Variants in L3MBTL3 observed in about 807,000 individuals in gnomAD.
L3MBTL3 encodes lethal(3)malignant brain tumor-like protein 3.
A neutral mutation model predicts 102.3 loss-of-function variants in L3MBTL3; 27 were observed. That is an observed-to-expected ratio of 0.26 (90% CI 0.19 to 0.36). L3MBTL3 has a LOEUF of 0.36. Among genes scored for constraint, L3MBTL3 ranks in the 10% least tolerant of loss-of-function variants. The pLI is 1.00. For synonymous variants in L3MBTL3, 340 were observed against 320.9 expected (o/e 1.06, Z -0.64); for missense variants, 798 against 955.3 (o/e 0.84, Z 2.17).
chr6:130,099,242 A>T (rs1379653230), intron 18 of L3MBTL3, among the ~76,000 whole-genome samples: 1 of 151,926 alleles, frequency 6.6e-6, no homozygotes, highest in Non-Finnish European at 1.5e-5. Context: ...ATCCTATGGG[A>T]CTCTGTTCTT....
intron 19 of L3MBTL3, among the ~76,000 whole-genome samples, chr6:130,108,949 G>T (rs559367835): frequency 1.3e-5 from 2 of 151,960 alleles, no homozygotes; most frequent in East Asian, 3.9e-4. Flanking sequence ...GAGTGAGAAC[G>T]TGTGGTGTTT....
chr6:130,023,948 C>T lies in L3MBTL3; in HGVS notation c.-16+1643C>T, dbSNP rs185860064. 2.3e-4 allele frequency among the ~76,000 whole-genome samples: 35 copies of T among 151,982 alleles called. No homozygotes were observed. In the East Asian group the frequency reaches 5.0e-3, roughly 22 times the overall value. ...GAAGAGACCATGCTCTAACATGGTG[C>T]GGAATACAAAACCGGAAATTTATTT... is the stretch of plus-strand genomic sequence containing the variant. On this transcript the variant is annotated intron_variant, in intron 2 of 22. Coordinates refer to ENST00000361794, the MANE Select transcript of L3MBTL3 (RefSeq NM_032438.4).
intron 22 of L3MBTL3, among the ~76,000 whole-genome samples, chr6:130,134,182 C>T (rs1410367214): frequency 1.3e-5 from 2 of 152,140 alleles, no homozygotes; most frequent in South Asian, 2.1e-4. Context: ...AACTTAATAG[C>T]ATGCATTTAT....
chr6:130,053,054 C>A, intron 7 of L3MBTL3, 63 bp downstream of exon 7: 2 of 1,276,570 alleles, frequency 1.6e-6, no homozygotes, highest in Non-Finnish European at 2.3e-6. Flanking sequence ...GCATCACAGT[C>A]ACAAGCACTG....
chr6:130,071,154 T>C (rs1782615376), intron 13 of L3MBTL3, 27 bp downstream of exon 13: 1 of 1,589,000 alleles, frequency 6.3e-7, no homozygotes, highest in South Asian at 1.1e-5. Context: ...TGTGTGCTTT[T>C]AAAAATTTAA....
Position 130,055,036 on chromosome 6 carries a change from C to G in L3MBTL3, c.583-135C>G, listed in dbSNP as rs191629951. Reference sequence around the variant, plus strand: ...CAACAGTTTTCAGATGAACTATATTCTTACTTTCCTTAAAAGTTACAAAGT... The same window carrying G: ...CAACAGTTTTCAGATGAACTATATTGTTACTTTCCTTAAAAGTTACAAAGT... On this transcript the variant is annotated intron_variant, in intron 7 of 22. Coordinates refer to ENST00000361794, the MANE Select transcript of L3MBTL3 (RefSeq NM_032438.4). 2.2e-4 allele frequency: 147 copies of G among 679,196 alleles called. 3 individuals carry two copies. In the East Asian group the frequency reaches 4.0e-3, roughly 18 times the overall value. The allele number at this position is 679,196 out of a possible 1,614,324, so 42.1% of individuals were successfully genotyped here. A position where few individuals can be genotyped will look rare whatever the true frequency, so the allele number is the denominator to read the frequency against.
At chr6:130,037,176 A>G (rs892479369) in intron 2 of L3MBTL3, among the ~76,000 whole-genome samples, 1 of 152,212 alleles carries the variant, frequency 6.6e-6, no homozygotes, top group African/African-American at 2.4e-5. Context: ...TCTGGTGAAC[A>G]AATGCTATTA....
At chr6:130,020,374 A>AGGGCACGG (rs1778908500) in intron 1 of L3MBTL3, 3 of 119,352 alleles carry the variant, frequency 2.5e-5, no homozygotes, top group Non-Finnish European at 5.3e-5. Context: ...GAAGGGGAGG[A>AGGGCACGG]GGGCACGGTG....
At chr6:130,066,595 A>G (rs1171588436) in intron 11 of L3MBTL3, 107 bp downstream of exon 11, 21 of 946,722 alleles carry the variant, frequency 2.2e-5, no homozygotes, top group Non-Finnish European at 3.0e-5. Flanking sequence ...TCAGATAGGC[A>G]CAAATTTAAC....
chr6:130,058,480 A>AG (rs1346224475), intron 9 of L3MBTL3, among the ~76,000 whole-genome samples: 1 of 152,062 alleles, frequency 6.6e-6, no homozygotes, highest in East Asian at 1.9e-4. Context: ...TCTAAAAAAA[A>AG]AAAAAAAATT....
intron 19 of L3MBTL3, among the ~76,000 whole-genome samples, chr6:130,110,486 C>G: frequency 6.6e-6 from 1 of 152,288 alleles, no homozygotes; most frequent in Non-Finnish European, 1.5e-5. Context: ...CATGATTTGA[C>G]TCTCTGTTTG....
chr6:130,126,449 T>C (rs1266950604), intron 20 of L3MBTL3, among the ~76,000 whole-genome samples: 2 of 152,164 alleles, frequency 1.3e-5, no homozygotes, highest in South Asian at 2.1e-4. Context: ...TCCATGGTAT[T>C]AGAGATGTCT....
rs145867885 is a variant in L3MBTL3, at chr6:130,057,626, G to C, written c.759+129G>C. ...CTCAGCATACAGTTTTCATGCGTGT[G>C]TTTATATGGAGGGCAGTGAACACTG... On this transcript the variant is annotated intron_variant, in intron 9 of 22. Coordinates refer to ENST00000361794, the MANE Select transcript of L3MBTL3 (RefSeq NM_032438.4). 16 of 757,162 alleles carry C rather than the reference G, an allele frequency of 2.1e-5. No homozygotes were observed. In the East Asian group the frequency reaches 4.0e-4, roughly 19 times the overall value. 46.9% of individuals were successfully genotyped at this position (757,162 alleles called of 1,614,324 possible). A position where few individuals can be genotyped will look rare whatever the true frequency, so the allele number is the denominator to read the frequency against.
chr6:130,132,466 C>A (rs1168765211), intron 20 of L3MBTL3, among the ~76,000 whole-genome samples: 1 of 152,120 alleles, frequency 6.6e-6, no homozygotes, highest in African/African-American at 2.4e-5. Flanking sequence ...CTGTGTCTTT[C>A]TGTAGATCTT....
chr6:130,105,633 A>AAAG (rs1784939527), intron 19 of L3MBTL3, among the ~76,000 whole-genome samples: 3 of 151,790 alleles, frequency 2.0e-5, no homozygotes. Context: ...AAAAAAAAAA[A>AAAG]AAAAAATTAA....
intron 19 of L3MBTL3, among the ~76,000 whole-genome samples, chr6:130,118,531 G>A (rs1400963699): frequency 2.6e-5 from 4 of 152,150 alleles, no homozygotes; most frequent in African/African-American, 7.2e-5. Flanking sequence ...CCACTCTCTA[G>A]CTAAAGGAAA....
chr6:130,106,652 C>T (rs1226452078), intron 19 of L3MBTL3, among the ~76,000 whole-genome samples: 1 of 152,116 alleles, frequency 6.6e-6, no homozygotes, highest in Non-Finnish European at 1.5e-5. Context: ...AGTTTGATTA[C>T]CATTGAGGTA....
intron 2 of L3MBTL3, among the ~76,000 whole-genome samples, chr6:130,031,129 G>A (rs189567731): frequency 1.1e-3 from 167 of 152,218 alleles, no homozygotes; most frequent in Non-Finnish European, 1.9e-3. Flanking sequence ...GGAGGTCTTA[G>A]GAGACAGGGG....
intron 2 of L3MBTL3, among the ~76,000 whole-genome samples, chr6:130,027,110 A>T (rs1349706634): frequency 1.3e-5 from 2 of 152,176 alleles, no homozygotes; most frequent in Admixed American, 1.3e-4. Flanking sequence ...ATTTTGACTC[A>T]TCGGGTGGTT....
Sources: allele counts gnomAD v4.1 joint callset (sites outside exome capture counted in the v4.1 genomes callset), GRCh38; gene constraint gnomAD v4.1.1; transcripts MANE v1.5; gene names NCBI Gene and HGNC (gene_info 2026-07-23, HGNC 2026-07-21).